Variants in ESRRG observed in about 807,000 individuals in gnomAD.
ESRRG encodes the protein estrogen related receptor gamma, also known as estrogen-related receptor gamma.
A neutral mutation model predicts 44.0 loss-of-function variants in ESRRG; 13 were observed. That is an observed-to-expected ratio of 0.30 (90% CI 0.19 to 0.47). The LOEUF (loss-of-function observed/expected upper bound fraction) is 0.47. ESRRG is among the 20% of genes least tolerant of loss of function. ESRRG has a pLI of 1.00. For missense variants in ESRRG, 395 were observed against 580.6 expected (o/e 0.68, Z 3.29); for synonymous variants, 215 against 214.6 (o/e 1.00, Z -0.02).
At chr1:216,781,200 C>T (rs1199534965) in intron 2 of ESRRG, among the ~76,000 whole-genome samples, 1 of 151,820 alleles carries the variant, frequency 6.6e-6, no homozygotes, top group Non-Finnish European at 1.5e-5. Flanking sequence ...CATGTTTTCA[C>T]TCAACAAACA....
intron 2 of ESRRG, among the ~76,000 whole-genome samples, chr1:216,652,880 C>T (rs1232428666): frequency 2.0e-5 from 3 of 152,062 alleles, no homozygotes; most frequent in South Asian, 4.1e-4. Flanking sequence ...ATCCTTCCAC[C>T]CTGTTCGGCT....
At chr1:217,015,069 C>G (rs1325520515) in intron 1 of ESRRG, among the ~76,000 whole-genome samples, 2 of 152,200 alleles carry the variant, frequency 1.3e-5, no homozygotes, top group African/African-American at 4.8e-5. Flanking sequence ...CTTCTCTAAA[C>G]TCAGCTTTCT....
intron 5 of ESRRG, among the ~76,000 whole-genome samples, chr1:216,533,032 C>T (rs1384604391): frequency 3.9e-5 from 6 of 152,022 alleles, no homozygotes; most frequent in Non-Finnish European, 8.8e-5. Flanking sequence ...AAATATTGGA[C>T]TTGTTTTCAC....
At chr1:216,888,617 A>G (rs998018349) in intron 2 of ESRRG, among the ~76,000 whole-genome samples, 2 of 152,058 alleles carry the variant, frequency 1.3e-5, no homozygotes, top group Non-Finnish European at 2.9e-5. Context: ...TCTCACCAAT[A>G]CCTATATCAA....
intron 2 of ESRRG, among the ~76,000 whole-genome samples, chr1:216,857,271 C>T (rs1266628617): frequency 1.3e-5 from 2 of 151,666 alleles, no homozygotes; most frequent in African/African-American, 2.4e-5. Flanking sequence ...CAGCACTGGG[C>T]ATTGCTCAGT....
At position 216,800,642 on chromosome 1, in the gene ESRRG, C is replaced by G. The variant is rs544258181; in HGVS notation, c.-13-123151G>C. On this transcript the variant is annotated intron_variant, in intron 2 of 7. Coordinates refer to the ESRRG transcript ENST00000359162. ...TCCTTAATTACTTTTGTGCCAGAAGCTTCTTTGAGGATCTGATGAAAGCTG... is the reference window on the plus strand; with the variant it reads ...TCCTTAATTACTTTTGTGCCAGAAGGTTCTTTGAGGATCTGATGAAAGCTG... 1.1e-4 allele frequency among the ~76,000 whole-genome samples: 16 copies of G among 152,256 alleles called. 1 individual carries two copies. In the South Asian group the frequency reaches 3.3e-3, roughly 32 times the overall value.
intron 1 of ESRRG, among the ~76,000 whole-genome samples, chr1:216,710,458 A>G (rs2083366463): frequency 6.6e-6 from 1 of 152,120 alleles, no homozygotes; most frequent in Admixed American, 6.5e-5. Flanking sequence ...AAAGGCAACC[A>G]ATTGCTTTTT....
At chr1:216,645,332 GTCATCA>G (rs142258442) in intron 3 of ESRRG, among the ~76,000 whole-genome samples, 7 of 151,352 alleles carry the variant, frequency 4.6e-5, no homozygotes, top group Middle Eastern at 3.4e-3. Context: ...CATTGATATA[GTCATCA>G]TCATCATCAT....
intron 1 of ESRRG, among the ~76,000 whole-genome samples, chr1:217,049,332 A>G (rs1464166088): frequency 6.6e-6 from 1 of 152,192 alleles, no homozygotes; most frequent in African/African-American, 2.4e-5. Flanking sequence ...CAGTCTCCTA[A>G]ACCTATTTGC....
chr1:216,873,693 G>C (rs2096293489), intron 2 of ESRRG, among the ~76,000 whole-genome samples: 2 of 151,386 alleles, frequency 1.3e-5, no homozygotes. Flanking sequence ...GAGAGAGACA[G>C]AGACAGAGAG....
chr1:216,988,186 T>A (rs1448867173), intron 1 of ESRRG, among the ~76,000 whole-genome samples: 1 of 152,042 alleles, frequency 6.6e-6, no homozygotes, highest in Non-Finnish European at 1.5e-5. Flanking sequence ...ACATCTAGAG[T>A]TGCATAATTC....
intron 1 of ESRRG, among the ~76,000 whole-genome samples, chr1:216,695,193 G>A (rs2813693): frequency 0.58 from 88,268 of 151,428 alleles, 25,831 homozygotes; most frequent in East Asian, 0.69. Context: ...GACAAAGTAC[G>A]ATTTTTAATA....
intron 2 of ESRRG, among the ~76,000 whole-genome samples, chr1:216,826,664 A>G (rs1198697413): frequency 2.6e-5 from 4 of 152,160 alleles, no homozygotes; most frequent in Admixed American, 6.6e-5. Context: ...TCAGATAAGG[A>G]AAGTGAGGGG....
At chr1:216,773,311 C>T (rs2093458749) in intron 2 of ESRRG, among the ~76,000 whole-genome samples, 1 of 152,072 alleles carries the variant, frequency 6.6e-6, no homozygotes, top group South Asian at 2.1e-4. Context: ...ATATAGCTTG[C>T]TTTTGGTTTA....
chr1:216,605,494 G>A (rs2059809541), intron 3 of ESRRG, among the ~76,000 whole-genome samples: 1 of 152,134 alleles, frequency 6.6e-6, no homozygotes, highest in Non-Finnish European at 1.5e-5. Flanking sequence ...AATGAGAATA[G>A]CATCAACATC....
intron 1 of ESRRG, among the ~76,000 whole-genome samples, chr1:217,137,067 G>C (rs961535678): frequency 1.3e-4 from 20 of 152,140 alleles, no homozygotes; most frequent in Non-Finnish European, 2.5e-4. Flanking sequence ...CTAGTAGCTG[G>C]GGGGGAGGGA....
chr1:217,115,026 G>A (rs1005104920), intron 1 of ESRRG, among the ~76,000 whole-genome samples: 3 of 151,780 alleles, frequency 2.0e-5, no homozygotes, highest in African/African-American at 4.8e-5. Flanking sequence ...GGAAGAGGGC[G>A]GCACTCCGTG....
chr1:216,740,900 A>ATG lies in ESRRG; in HGVS notation c.-13-63410_-13-63409insCA, dbSNP rs1416464597. Among the ~76,000 whole-genome samples, 8 of 151,288 alleles carry ATG rather than the reference A, an allele frequency of 5.3e-5. No individual in the cohort carries two copies. The South Asian group carries it at 1.7e-3, about 32-fold the overall frequency. On this transcript the variant is annotated intron_variant, in intron 2 of 7. Transcript: ENST00000359162. ...ATGTCACATTTATCAAAATGGGATT[A>ATG]TATATACATATTGACATTCTTTCAT...
At chr1:216,898,735 G>A (rs2576205) in intron 2 of ESRRG, among the ~76,000 whole-genome samples, 29,091 of 149,788 alleles carry the variant, frequency 0.19, 4,523 homozygotes, top group African/African-American at 0.41. Flanking sequence ...ATCATTTAGT[G>A]TTTAGAATTT....
Sources: gnomAD v4.1 joint callset for allele counts (sites outside exome capture counted in the v4.1 genomes callset) on GRCh38, gnomAD v4.1.1 for gene constraint, MANE v1.5 for transcripts, NCBI Gene and HGNC (gene_info 2026-07-23, HGNC 2026-07-21) for gene names.